Variants in LPAR6 observed in about 807,000 individuals in gnomAD.
LPAR6 encodes the protein lysophosphatidic acid receptor 6.
Under a neutral mutation model 22.0 loss-of-function variants are expected in LPAR6, and 17 were observed. That is an observed-to-expected ratio of 0.77 (90% CI 0.53 to 1.16). The LOEUF is 1.16. LPAR6 is among the 50% of genes most tolerant of loss of function. LPAR6 has a pLI of 0.00. For synonymous variants in LPAR6, 136 were observed against 139.8 expected (o/e 0.97, Z 0.19); for missense variants, 384 against 406.9 (o/e 0.94, Z 0.48).
chr13:48,408,359 T>C (rs1948758287), downstream of LPAR6, among the ~76,000 whole-genome samples: 1 of 152,118 alleles, frequency 6.6e-6, no homozygotes, highest in Admixed American at 6.5e-5. Flanking sequence ...ATTATTAGGA[T>C]GCTGGAAAGC....
intron 1 of LPAR6, among the ~76,000 whole-genome samples, chr13:48,425,512 A>G (rs992870407): frequency 4.7e-4 from 71 of 152,292 alleles, no homozygotes; most frequent in African/African-American, 1.5e-3. Flanking sequence ...AGACGCTGCA[A>G]AGTGTAATGA....
At chr13:48,391,538 T>G (rs1948610721) in intron 1 of LPAR6, 1 of 152,188 alleles carries the variant, frequency 6.6e-6, no homozygotes, top group South Asian at 2.1e-4. Context: ...GAGGATCTCT[T>G]GAAGCCAGGA....
At chr13:48,409,047 G>A (rs1340028526), downstream of LPAR6, among the ~76,000 whole-genome samples, 1 of 151,760 alleles carries the variant, frequency 6.6e-6, no homozygotes, top group Non-Finnish European at 1.5e-5. Context: ...GGAATTTCAG[G>A]TCAATGGAAG....
At chr13:48,396,404 CCCT>C (rs1280139056) in intron 1 of LPAR6, among the ~76,000 whole-genome samples, 1 of 152,158 alleles carries the variant, frequency 6.6e-6, no homozygotes, top group Non-Finnish European at 1.5e-5. Flanking sequence ...GGAAAGGATT[CCCT>C]ATTTAATAAA....
chr13:48,394,922 G>C (rs1295009506), intron 1 of LPAR6, among the ~76,000 whole-genome samples: 1 of 152,178 alleles, frequency 6.6e-6, no homozygotes, highest in Non-Finnish European at 1.5e-5. Context: ...CTCCTCAAGT[G>C]GGTCCCTGAC....
Position 48,435,803 on chromosome 13 carries a change from A to G in LPAR6, c.-1474+8750T>C, listed in dbSNP as rs4151555. ...ATGTTCAGTTGTTTCAGCACCATTT[A>G]TTTTAAAGGCTATCCTTTTTCTATT... On this transcript the variant is annotated intron_variant, in intron 1 of 6. Transcript: ENST00000378434. Among the ~76,000 whole-genome samples, 847 of 152,246 alleles carry G rather than the reference A, an allele frequency of 5.6e-3. 5 individuals are homozygous for G. Among genetic ancestry groups the G allele is most frequent in the Middle Eastern group, 0.01 (3 of 294 alleles).
chr13:48,400,024 A>G (rs1340221090), intron 1 of LPAR6, among the ~76,000 whole-genome samples: 1 of 152,080 alleles, frequency 6.6e-6, no homozygotes, highest in East Asian at 1.9e-4. Context: ...AAATTCAAGG[A>G]TGTCCAAAAA....
At chr13:48,433,682 A>ATTTT (rs10665957) in intron 1 of LPAR6, among the ~76,000 whole-genome samples, 1 of 147,144 alleles carries the variant, frequency 6.8e-6, no homozygotes, top group African/African-American at 2.5e-5. Context: ...ACAAAAATGC[A>ATTTT]TTTTTTTTTT....
upstream of LPAR6, among the ~76,000 whole-genome samples, chr13:48,431,634 T>C (rs1949130588): frequency 6.6e-6 from 1 of 152,182 alleles, no homozygotes; most frequent in African/African-American, 2.4e-5. Flanking sequence ...TTTGAGGGTT[T>C]CCTGTCTATA....
chr13:48,396,723 G>A (rs1379641195), intron 1 of LPAR6, among the ~76,000 whole-genome samples: 1 of 152,126 alleles, frequency 6.6e-6, no homozygotes, highest in African/African-American at 2.4e-5. Flanking sequence ...CTACAGAATG[G>A]GAGAAAATTT....
chr13:48,420,042 C>T (rs1369820934), intron 2 of LPAR6, among the ~76,000 whole-genome samples: 1 of 152,064 alleles, frequency 6.6e-6, no homozygotes, highest in Non-Finnish European at 1.5e-5. Context: ...ATTTTATAAG[C>T]CAAGAATCAT....
At chr13:48,423,798 T>C (rs1949042566) in intron 1 of LPAR6, among the ~76,000 whole-genome samples, 1 of 152,178 alleles carries the variant, frequency 6.6e-6, no homozygotes, top group African/African-American at 2.4e-5. Context: ...TAGTCGAAGC[T>C]ACTCTAGAGG....
At chr13:48,409,270 C>G (rs1948768418), downstream of LPAR6, among the ~76,000 whole-genome samples, 1 of 149,994 alleles carries the variant, frequency 6.7e-6, no homozygotes, top group Admixed American at 6.7e-5. Context: ...ATGTATTTTG[C>G]TTTAGGTTTA....
intron 1 of LPAR6, among the ~76,000 whole-genome samples, chr13:48,404,607 A>G (rs1016614141): frequency 1.3e-5 from 2 of 152,174 alleles, no homozygotes; most frequent in Admixed American, 6.5e-5. Context: ...GCTCACTGCA[A>G]CCGCTGCCTC....
chr13:48,442,353 A>G (rs961847304), intron 1 of LPAR6, among the ~76,000 whole-genome samples: 5 of 152,112 alleles, frequency 3.3e-5, no homozygotes, highest in African/African-American at 1.2e-4. Flanking sequence ...GGCGCATGCA[A>G]CCATGCCCGG....
chr13:48,404,332 G>C (rs910893591), intron 1 of LPAR6: 1 of 152,134 alleles, frequency 6.6e-6, no homozygotes, highest in Admixed American at 6.5e-5. Flanking sequence ...TGTACTGGTA[G>C]GTTATGTAGT....
intron 1 of LPAR6, among the ~76,000 whole-genome samples, chr13:48,403,340 C>G (rs1428661169): frequency 6.6e-6 from 1 of 151,902 alleles, no homozygotes; most frequent in Non-Finnish European, 1.5e-5. Context: ...ACAGAAGTGA[C>G]AAAAAAGACA....
chr13:48,395,431 C>T (rs1205664767), intron 1 of LPAR6, among the ~76,000 whole-genome samples: 1 of 151,996 alleles, frequency 6.6e-6, no homozygotes, highest in African/African-American at 2.4e-5. Context: ...CAAACTCCTC[C>T]GAGCTAAAGG....
At chr13:48,421,782 G>C (rs558868520) in intron 2 of LPAR6, among the ~76,000 whole-genome samples, 1 of 152,152 alleles carries the variant, frequency 6.6e-6, no homozygotes, top group Non-Finnish European at 1.5e-5. Context: ...CATCATCAGC[G>C]GTCATTAATG....
Sources: allele counts gnomAD v4.1 joint callset (sites outside exome capture counted in the v4.1 genomes callset), GRCh38; gene constraint gnomAD v4.1.1; transcripts MANE v1.5; gene names NCBI Gene and HGNC (gene_info 2026-07-23, HGNC 2026-07-21).